The following CIMIP1 variants were observed in gnomAD, a reference collection of about 807,000 sequenced individuals.
CIMIP1 encodes the protein low in lung cancer 1.
chr20:58,157,179 A>T, the CIMIP1 span, among the ~76,000 whole-genome samples: 10 of 152,148 alleles, frequency 6.6e-5, no homozygotes, highest in Non-Finnish European at 1.3e-4. Context: ...TTGACCTGTA[A>T]GAGTAACCAC....
At chr20:58,152,527 A>C in the CIMIP1 span, among the ~76,000 whole-genome samples, 2 of 152,126 alleles carry the variant, frequency 1.3e-5, no homozygotes, top group African/African-American at 4.8e-5. Context: ...GTTGAAGACC[A>C]GCCTGGCCAA....
chr20:58,159,805 G>A, the CIMIP1 span, among the ~76,000 whole-genome samples: 32 of 152,128 alleles, frequency 2.1e-4, no homozygotes, highest in Non-Finnish European at 3.8e-4. Context: ...TTGATGACCC[G>A]CCCTACATGT....
chr20:58,151,451 T>G, the CIMIP1 span, among the ~76,000 whole-genome samples: 4 of 152,250 alleles, frequency 2.6e-5, no homozygotes, highest in East Asian at 7.7e-4. Context: ...TCCTGCTCTA[T>G]CCTCCAGGCT....
the CIMIP1 span, chr20:58,160,842 CA>C: frequency 1.2e-6 from 2 of 1,602,366 alleles, no homozygotes; most frequent in Non-Finnish European, 1.7e-6. Flanking sequence ...GAGTTCTGCC[CA>C]GGGGTGCTGC....
chr20:58,152,649 G>C, the CIMIP1 span, among the ~76,000 whole-genome samples: 2 of 150,026 alleles, frequency 1.3e-5, no homozygotes, highest in African/African-American at 2.5e-5. Context: ...TTGAACCCAG[G>C]AGGCGGAGGT....
the CIMIP1 span, among the ~76,000 whole-genome samples, chr20:58,158,476 C>T: frequency 6.6e-6 from 1 of 152,090 alleles, no homozygotes; most frequent in African/African-American, 2.4e-5. Flanking sequence ...CGGTGAAACC[C>T]CATCTCTACT....
the CIMIP1 span, among the ~76,000 whole-genome samples, chr20:58,156,925 G>A: frequency 6.6e-6 from 1 of 152,108 alleles, no homozygotes; most frequent in Non-Finnish European, 1.5e-5. Context: ...GGTCTGATGG[G>A]GTAGCTGGCA....
the CIMIP1 span, chr20:58,151,037 C>A: frequency 1.2e-6 from 2 of 1,602,604 alleles, no homozygotes; most frequent in East Asian, 2.3e-5. Context: ...GATCTGGTAA[C>A]GCCTGGGATC....
At chr20:58,154,021 T>G in the CIMIP1 span, among the ~76,000 whole-genome samples, 1 of 152,222 alleles carries the variant, frequency 6.6e-6, no homozygotes, top group African/African-American at 2.4e-5. Flanking sequence ...TAAAGTGGGA[T>G]GAGAGTCCTC....
chr20:58,152,028 C>A, the CIMIP1 span, among the ~76,000 whole-genome samples: 22 of 152,188 alleles, frequency 1.4e-4, no homozygotes, highest in Admixed American at 1.4e-3. Context: ...TATTTACCCT[C>A]TCTATAATTT....
the CIMIP1 span, among the ~76,000 whole-genome samples, chr20:58,158,515 C>A: frequency 1.3e-5 from 2 of 151,984 alleles, no homozygotes; most frequent in Non-Finnish European, 2.9e-5. Flanking sequence ...CCAGGCATGG[C>A]GGTGGGTGCC....
the CIMIP1 span, among the ~76,000 whole-genome samples, chr20:58,154,447 C>A: frequency 5.1e-4 from 77 of 152,362 alleles, 1 homozygote; most frequent in African/African-American, 1.8e-3. Flanking sequence ...ACCTCTCAAA[C>A]TTCAGGACAG....
the CIMIP1 span, among the ~76,000 whole-genome samples, chr20:58,152,427 T>TAAA: frequency 1.4e-5 from 2 of 147,810 alleles, no homozygotes; most frequent in East Asian, 2.0e-4. Flanking sequence ...ATGATTTATT[T>TAAA]AAAAAAAAAA....
the CIMIP1 span, among the ~76,000 whole-genome samples, chr20:58,152,498 T>C: frequency 6.6e-6 from 1 of 152,096 alleles, no homozygotes; most frequent in South Asian, 2.1e-4. Context: ...CCCAGCACTT[T>C]GGGAGGCCGA....
chr20:58,152,424 A>AT, the CIMIP1 span, among the ~76,000 whole-genome samples: 57 of 112,796 alleles, frequency 5.1e-4, no homozygotes, highest in East Asian at 0.035. Flanking sequence ...ACGATGATTT[A>AT]TTTAAAAAAA....
the CIMIP1 span, among the ~76,000 whole-genome samples, chr20:58,158,111 A>G: frequency 6.6e-6 from 1 of 152,068 alleles, no homozygotes; most frequent in African/African-American, 2.4e-5. Context: ...AAGCGCCCCC[A>G]CCTAGATACC....
chr20:58,158,532 C>G, the CIMIP1 span, among the ~76,000 whole-genome samples: 1 of 152,060 alleles, frequency 6.6e-6, no homozygotes, highest in Admixed American at 6.5e-5. Context: ...TGCCTGTAGT[C>G]CCAGCTACTC....
At chr20:58,156,283 G>A in the CIMIP1 span, among the ~76,000 whole-genome samples, 1 of 152,174 alleles carries the variant, frequency 6.6e-6, no homozygotes, top group East Asian at 1.9e-4. Flanking sequence ...GGTGGTCAGG[G>A]AAGGGGCCCT....
At chr20:58,155,938 C>T in the CIMIP1 span, among the ~76,000 whole-genome samples, 1 of 152,226 alleles carries the variant, frequency 6.6e-6, no homozygotes, top group Non-Finnish European at 1.5e-5. Context: ...AGGCTGCTCA[C>T]CTTCTGTGTG....
Sources: allele counts gnomAD v4.1 joint callset (sites outside exome capture counted in the v4.1 genomes callset), GRCh38; gene constraint gnomAD v4.1.1; transcripts MANE v1.5; gene names NCBI Gene and HGNC (gene_info 2026-07-23, HGNC 2026-07-21).